Variants in HADH observed in about 807,000 individuals in gnomAD.
HADH encodes hydroxyacyl-CoA dehydrogenase.
In HADH, 24 loss-of-function variants were observed where a neutral mutation model predicts 32.2. The ratio of observed to expected loss-of-function variants is 0.75; its 90% CI spans 0.54 to 1.05. The LOEUF is 1.05. HADH is among the 50% of genes least tolerant of loss of function. The pLI is 0.00. For synonymous variants in HADH, 139 were observed against 152.5 expected (o/e 0.91, Z 0.65); for missense variants, 350 against 397.1 (o/e 0.88, Z 1.01).
chr4:108,000,365 T>C (rs895655096), intron 1 of HADH, among the ~76,000 whole-genome samples: 5 of 152,268 alleles, frequency 3.3e-5, no homozygotes, highest in African/African-American at 1.2e-4. Flanking sequence ...AAGTGTATCA[T>C]TCATCTTTCA....
At chr4:107,992,702 T>G (rs1449433076) in intron 1 of HADH, among the ~76,000 whole-genome samples, 1 of 152,234 alleles carries the variant, frequency 6.6e-6, no homozygotes, top group Non-Finnish European at 1.5e-5. Flanking sequence ...GGGAGAGAAT[T>G]GAATAAATTC....
chr4:108,008,084 T>C (rs1735346950), intron 1 of HADH, among the ~76,000 whole-genome samples: 1 of 152,212 alleles, frequency 6.6e-6, no homozygotes, highest in African/African-American at 2.4e-5. Context: ...CTGACTTGAA[T>C]CATTGGCTAG....
intron 6 of HADH, chr4:108,030,377 C>G (rs1736219543): frequency 6.5e-6 from 1 of 152,798 alleles, no homozygotes; most frequent in Non-Finnish European, 1.5e-5. Flanking sequence ...CTTTCCCTTA[C>G]TATACTCTCT....
At chr4:108,022,251 AC>A (rs1735917545) in intron 4 of HADH, among the ~76,000 whole-genome samples, 1 of 126,892 alleles carries the variant, frequency 7.9e-6, no homozygotes, top group South Asian at 2.8e-4. Context: ...GTGAATAAAC[AC>A]GCATCTCTCC....
Position 108,014,454 on chromosome 4 carries a change from G to T in HADH, c.285G>T (p.Lys95Asn). The change falls in exon 3 of 8, where the codon AAG becomes AAT. Residue 95 changes from lysine (K) to asparagine (N), a missense_variant. Physicochemically the swap from Lys to Asn is moderately conservative, Grantham distance 94. Transcript: ENST00000309522. Reference sequence around the variant, plus strand: ...AGGCCGGCGATGAATTTGTGGAGAAGACCCTGAGCACCATAGCGACCAGCA... The same window carrying T: ...AGGCCGGCGATGAATTTGTGGAGAATACCCTGAGCACCATAGCGACCAGCA... Reference protein sequence around the residue: ...NLKAGDEFVEKTLSTIATSTD... With the variant: ...NLKAGDEFVENTLSTIATSTD... 1 of 1,614,110 alleles carries T rather than the reference G, an allele frequency of 6.2e-7. No individual in the cohort carries two copies. The highest frequency in any genetic ancestry group is 1.1e-5 in the South Asian group (1 of 91,076).
chr4:108,007,387 A>G (rs1735326472), intron 1 of HADH, among the ~76,000 whole-genome samples: 1 of 152,202 alleles, frequency 6.6e-6, no homozygotes, highest in Non-Finnish European at 1.5e-5. Flanking sequence ...GATTACAGGC[A>G]TGAGCCACTG....
At chr4:108,014,877 T>C (rs532763074) in intron 3 of HADH, among the ~76,000 whole-genome samples, 13 of 152,336 alleles carry the variant, frequency 8.5e-5, no homozygotes, top group African/African-American at 2.6e-4. Context: ...CTATCACTTA[T>C]ATGTGAGAAC....
chr4:107,998,769 G>C (rs1735029658), intron 1 of HADH, among the ~76,000 whole-genome samples: 1 of 152,014 alleles, frequency 6.6e-6, no homozygotes, highest in African/African-American at 2.4e-5. Context: ...ATGGGTATGA[G>C]ATCAGAGGTT....
At position 108,009,866 on chromosome 4, in the gene HADH, G is replaced by A. The variant is rs748623569; in HGVS notation, c.240G>A (p.Lys80=). ...AAAGCCTTAGGAAAGTGGCAAAGAA[G>A]AAGTTTGCAGAAAACCTTAAGGTAA... ...IEESLRKVAK[K]KFAENLKAGD... The change falls in exon 2 of 8, where the codon AAG becomes AAA. Residue 80 remains lysine, a synonymous_variant. Transcript: ENST00000309522. 221 of 1,610,854 alleles carry A rather than the reference G, an allele frequency of 1.4e-4. No homozygotes were observed. The highest frequency in any genetic ancestry group is 1.7e-4 in the Non-Finnish European group (199 of 1,177,264).
chr4:108,006,877 A>G (rs1270096625), intron 1 of HADH, among the ~76,000 whole-genome samples: 1 of 152,176 alleles, frequency 6.6e-6, no homozygotes, highest in Admixed American at 6.5e-5. Context: ...TGAGGGTGGT[A>G]TGTGTTAGTT....
chr4:108,007,592 G>C (rs1735332766), intron 1 of HADH, among the ~76,000 whole-genome samples: 1 of 152,214 alleles, frequency 6.6e-6, no homozygotes, highest in Non-Finnish European at 1.5e-5. Flanking sequence ...CCAGTCTGGG[G>C]ATAAAAGTTG....
chr4:108,018,672 C>T (rs1052356490), intron 3 of HADH, among the ~76,000 whole-genome samples: 1 of 152,162 alleles, frequency 6.6e-6, no homozygotes, highest in African/African-American at 2.4e-5. Flanking sequence ...AAGCAGAAAC[C>T]CCCAAGCCTG....
chr4:108,027,338 TG>T, intron 5 of HADH: 1 of 388,646 alleles, frequency 2.6e-6, no homozygotes, highest in Non-Finnish European at 4.9e-6. Context: ...TCACAGATGA[TG>T]AAACAGATTC....
intron 4 of HADH, among the ~76,000 whole-genome samples, chr4:108,021,806 G>A (rs754625191): frequency 6.6e-5 from 10 of 152,096 alleles, no homozygotes; most frequent in Admixed American, 2.6e-4. Context: ...TGTGGTACCC[G>A]CAGGGTGGCT....
intron 1 of HADH, among the ~76,000 whole-genome samples, chr4:107,995,272 A>G (rs1734922453): frequency 6.6e-6 from 1 of 152,172 alleles, no homozygotes; most frequent in East Asian, 1.9e-4. Flanking sequence ...TGGGCAAATC[A>G]CTTAACTCCT....
At chr4:107,998,543 C>G (rs1047329066) in intron 1 of HADH, among the ~76,000 whole-genome samples, 4 of 152,000 alleles carry the variant, frequency 2.6e-5, no homozygotes, top group Non-Finnish European at 5.9e-5. Flanking sequence ...CTCCCAAAGT[C>G]CTGGGATTGC....
chr4:108,009,302 G>A (rs1035936413), intron 1 of HADH, among the ~76,000 whole-genome samples: 2 of 152,206 alleles, frequency 1.3e-5, no homozygotes, highest in African/African-American at 2.4e-5. Flanking sequence ...AGCCTGCTGA[G>A]CACTTTGAAA....
At chr4:107,998,913 T>A (rs1387508666) in intron 1 of HADH, among the ~76,000 whole-genome samples, 1 of 152,206 alleles carries the variant, frequency 6.6e-6, no homozygotes. Context: ...TGGAAAAAGG[T>A]GTTCATGGCT....
chr4:108,022,240 A>T (rs6533339), intron 4 of HADH, among the ~76,000 whole-genome samples: 1 of 150,218 alleles, frequency 6.7e-6, no homozygotes, highest in Non-Finnish European at 1.5e-5. Context: ...TGAATGAATG[A>T]GTGAATAAAC....
Sources: gnomAD v4.1 joint callset for allele counts (sites outside exome capture counted in the v4.1 genomes callset) on GRCh38, gnomAD v4.1.1 for gene constraint, MANE v1.5 for transcripts, NCBI Gene and HGNC (gene_info 2026-07-23, HGNC 2026-07-21) for gene names.